The following STT3A variants were observed in gnomAD, a reference collection of about 807,000 sequenced individuals.
STT3A encodes STT3 oligosaccharyltransferase complex catalytic subunit A.
A neutral mutation model predicts 89.2 loss-of-function variants in STT3A; 34 were observed. The observed-to-expected ratio is 0.38, with a 90% CI of 0.29 to 0.51. The LOEUF is 0.51. Among genes scored for constraint, STT3A ranks in the 20% least tolerant of loss-of-function variants. The pLI, the probability that STT3A is intolerant of heterozygous loss-of-function variation, is 0.89. For synonymous variants in STT3A, 282 were observed against 310.3 expected (o/e 0.91, Z 0.96); for missense variants, 555 against 889.5 (o/e 0.62, Z 4.78).
In STT3A at chr11:125,621,750, A is replaced by C. The variant is rs1940355463; in HGVS notation, c.*940A>C. The C allele has an allele frequency of 6.6e-6, 1 of 152,226 alleles. No homozygotes were observed. Among genetic ancestry groups the C allele is most frequent in the Admixed American group, 6.5e-5 (1 of 15,282 alleles). 9.4% of individuals were successfully genotyped at this position (152,226 alleles called of 1,614,324 possible). ...TGAAGCTCTTTCCAAATAAGATACA[A>C]ATTAAAAGGGGAAGCATTGCCAGTA... On this transcript the variant is annotated 3_prime_UTR_variant, in exon 18 of 18. Transcript: ENST00000392708.
chr11:125,600,154 G>A (rs920056562), intron 3 of STT3A, among the ~76,000 whole-genome samples: 23 of 150,176 alleles, frequency 1.5e-4, no homozygotes, highest in Admixed American at 5.3e-4. Flanking sequence ...GGGTTCAAGC[G>A]ATTCTCCTGC....
intron 15 of STT3A, among the ~76,000 whole-genome samples, chr11:125,615,182 G>A (rs374962878): frequency 2.6e-5 from 4 of 152,182 alleles, no homozygotes; most frequent in East Asian, 1.9e-4. Context: ...CAGGAGAATC[G>A]CTTGAACTCG....
At chr11:125,592,188 C>G (rs1295366176), upstream of STT3A, among the ~76,000 whole-genome samples, 2 of 152,158 alleles carry the variant, frequency 1.3e-5, no homozygotes, top group Non-Finnish European at 2.9e-5. Flanking sequence ...CCGACAACCC[C>G]TTTAGGCCTA....
chr11:125,592,785 G>C (rs1016326116), upstream of STT3A: 1 of 228,710 alleles, frequency 4.4e-6, no homozygotes, highest in African/African-American at 2.3e-5. Context: ...TCGCTCTCCA[G>C]AAGCGTCCTA....
In STT3A at chr11:125,620,869, GATTTTT is replaced by G; in HGVS notation, c.*60_*65del. ...AGCACATCACATTTAGGACGTTGAA[GATTTTT>G]TTTTTTTTTTTTTTTTAATATGCAG... On this transcript the variant is annotated 3_prime_UTR_variant, in exon 18 of 18. Transcript: ENST00000392708. 6 of 841,884 alleles carry G rather than the reference GATTTTT, an allele frequency of 7.1e-6. No homozygotes were observed. Among genetic ancestry groups the G allele is most frequent in the Non-Finnish European group, 1.0e-5 (6 of 590,124 alleles). 52.2% of individuals were successfully genotyped at this position (841,884 alleles called of 1,614,324 possible).
chr11:125,615,729 T>G (rs1276669167), intron 15 of STT3A, among the ~76,000 whole-genome samples: 1 of 152,150 alleles, frequency 6.6e-6, no homozygotes, highest in Non-Finnish European at 1.5e-5. Flanking sequence ...TTTTATTTTT[T>G]AAAGAAGATA....
At chr11:125,598,076 G>C (rs1017299280) in intron 3 of STT3A, among the ~76,000 whole-genome samples, 13 of 152,158 alleles carry the variant, frequency 8.5e-5, no homozygotes, top group Non-Finnish European at 2.9e-5. Context: ...GCTGGGCATG[G>C]TGGCATGTGC....
At chr11:125,609,653 C>G (rs551579127) in intron 10 of STT3A, 64 bp downstream of exon 10, 1 of 1,559,970 alleles carries the variant, frequency 6.4e-7, no homozygotes. Context: ...TCCAAATTTG[C>G]AAGCTACCCT....
intron 2 of STT3A, among the ~76,000 whole-genome samples, chr11:125,596,746 G>A (rs892373199): frequency 1.3e-5 from 2 of 152,120 alleles, no homozygotes; most frequent in African/African-American, 2.4e-5. Context: ...TGTGTATGGT[G>A]GGGGAGTCAG....
At chr11:125,604,276 C>T in intron 6 of STT3A, 29 bp downstream of exon 6, 1 of 1,603,906 alleles carries the variant, frequency 6.2e-7, no homozygotes. Flanking sequence ...TGAAGAAGAT[C>T]ATCTCACCTC....
At chr11:125,600,016 A>G (rs868066317) in intron 3 of STT3A, among the ~76,000 whole-genome samples, 88 of 151,384 alleles carry the variant, frequency 5.8e-4, no homozygotes, top group African/African-American at 2.2e-4. Context: ...GGCATTAACT[A>G]CTACGCCGGC....
At chr11:125,593,445 AG>A (rs1939379667) in intron 1 of STT3A, 1 of 152,262 alleles carries the variant, frequency 6.6e-6, no homozygotes, top group Non-Finnish European at 1.5e-5. Context: ...AAGTGTTTTA[AG>A]AAAGGTGTCT....
At chr11:125,609,862 TG>T in intron 10 of STT3A, 1 of 377,988 alleles carries the variant, frequency 2.6e-6, no homozygotes, top group Non-Finnish European at 4.7e-6. Context: ...ACTCCGGTTT[TG>T]TTTTGTTTTG....
chr11:125,595,808 CTCA>C (rs1939476052), intron 1 of STT3A, 70 bp from the exon 2 acceptor site: 1 of 764,422 alleles, frequency 1.3e-6, no homozygotes, highest in Non-Finnish European at 2.3e-6. Context: ...ATGATTCCCT[CTCA>C]TCATAAAATA....
Position 125,605,686 on chromosome 11 carries a change from C to T in STT3A, c.566C>T (p.Thr189Ile). ...TACATGTGGATCAAGGCAGTAAAGA[C>T]TGGTTCCATCTGTTGGGCAGCTAAG... ...TYYMWIKAVK[T>I]GSICWAAKCA... Residue 189 changes from threonine (T) to isoleucine (I), a missense_variant, in exon 7 of 18, where the codon ACT (threonine) becomes ATT (isoleucine). Coordinates refer to ENST00000392708, the MANE Select transcript of STT3A (RefSeq NM_152713.5). 1 of 1,614,098 alleles carries T rather than the reference C, an allele frequency of 6.2e-7. No individual in the cohort carries two copies. The highest frequency in any genetic ancestry group is 8.5e-7 in the Non-Finnish European group (1 of 1,179,990).
At chr11:125,595,168 T>C (rs1939451516) in intron 1 of STT3A, among the ~76,000 whole-genome samples, 1 of 151,888 alleles carries the variant, frequency 6.6e-6, no homozygotes, top group Non-Finnish European at 1.5e-5. Flanking sequence ...CTTCTTCTTT[T>C]TTTTTTTTTT....
chr11:125,613,095 C>T lies in STT3A; in HGVS notation c.1472C>T (p.Ser491Phe). ...EAYSSPSIVL[S>F]ARGGDGSRII... ...TACTCTTCTCCGTCCATTGTACTATCTGCCCGTGGTGGGGATGGCAGTAGG... is the reference window on the plus strand; with the variant it reads ...TACTCTTCTCCGTCCATTGTACTATTTGCCCGTGGTGGGGATGGCAGTAGG... Residue 491 changes from serine to phenylalanine, a missense_variant, in exon 13 of 18, where the codon TCT (serine) becomes TTT (phenylalanine). Around this residue, in one of 5 missense-constraint regions of STT3A, gnomAD observed 273 missense variants for 449.8 expected, o/e 0.61. Coordinates refer to ENST00000392708, the MANE Select transcript of STT3A (RefSeq NM_152713.5). The surrounding 1 kb of genome is among the most constrained non-coding windows in gnomAD (Gnocchi z 4.2). 6.2e-7 allele frequency: 1 copy of T among 1,614,136 alleles called. No individual in the cohort carries two copies. Among genetic ancestry groups the T allele is most frequent in the Non-Finnish European group, 8.5e-7 (1 of 1,180,032 alleles).
At chr11:125,592,011 A>AT (rs1332453083), upstream of STT3A, 1 of 165,100 alleles carries the variant, frequency 6.1e-6, no homozygotes. Flanking sequence ...GCAAGTTAGG[A>AT]TAGGGAGAGC....
chr11:125,595,747 T>C (rs1273226189), intron 1 of STT3A, 134 bp from the exon 2 acceptor site: 3 of 584,774 alleles, frequency 5.1e-6, no homozygotes, highest in African/African-American at 1.9e-5. Context: ...GCTTGGATAC[T>C]AGTATTAGCC....
Sources: gnomAD v4.1 joint callset for allele counts (sites outside exome capture counted in the v4.1 genomes callset) on GRCh38, gnomAD v4.1.1 for gene constraint, gnomAD v4.1.1 regional missense constraint, Gnocchi (gnomAD v3.1) non-coding constraint, MANE v1.5 for transcripts, NCBI Gene and HGNC (gene_info 2026-07-23, HGNC 2026-07-21) for gene names.